Variants in ZDHHC17 observed in about 807,000 individuals in gnomAD.
The protein encoded by ZDHHC17 is zDHHC palmitoyltransferase 17.
ZDHHC17 carries 40 observed loss-of-function variants against 90.3 expected under a neutral mutation model. That is an observed-to-expected ratio of 0.44 (90% CI 0.34 to 0.58). The LOEUF (loss-of-function observed/expected upper bound fraction) is 0.58, where lower values mean the gene tolerates loss of function less well. Ranked by LOEUF, ZDHHC17 falls within the 20% of genes least tolerant of loss-of-function variation. The probability of loss-of-function intolerance (pLI) is 0.01; values close to 1 mark genes in which losing one functional copy is unlikely to be tolerated. For missense variants in ZDHHC17, 614 were observed against 780.8 expected (o/e 0.79, Z 2.55); for synonymous variants, 235 against 252.4 (o/e 0.93, Z 0.65).
intron 10 of ZDHHC17, among the ~76,000 whole-genome samples, chr12:76,839,601 A>G (rs184524114): frequency 3.7e-4 from 56 of 152,346 alleles, no homozygotes; most frequent in Middle Eastern, 6.8e-3. Flanking sequence ...CAACTAGATT[A>G]AAGAATTAAA....
In ZDHHC17 at chr12:76,827,033, A is replaced by G. The variant is rs755057508; in HGVS notation, c.1023A>G (p.Thr341=). ...TAATGTATGGTGGTGTTTGGGCTACAGTACAGTTTCTTTCAAAGTAAGTGT... is the reference window on the plus strand; with the variant it reads ...TAATGTATGGTGGTGTTTGGGCTACGGTACAGTTTCTTTCAAAGTAAGTGT... ...KGLMYGGVWA[T]VQFLSKSFFD... is the part of the protein sequence containing the mutation. Residue 341 remains threonine (T), a synonymous_variant, in exon 9 of 17, where the codon ACA becomes ACG. Coordinates refer to ENST00000426126, the MANE Select transcript of ZDHHC17 (RefSeq NM_015336.4). 46 of 1,560,044 alleles carry G rather than the reference A, an allele frequency of 2.9e-5. No individual in the cohort carries two copies. The highest frequency in any genetic ancestry group is 6.5e-5 in the Admixed American group (3 of 46,300).
chr12:76,835,326 C>T (rs1489018045), intron 10 of ZDHHC17, among the ~76,000 whole-genome samples: 3 of 152,160 alleles, frequency 2.0e-5, no homozygotes, highest in East Asian at 1.9e-4. Flanking sequence ...GCTGGGATTA[C>T]AGGCATGAGC....
At chr12:76,795,829 C>G (rs1356224401) in intron 1 of ZDHHC17, among the ~76,000 whole-genome samples, 2 of 152,122 alleles carry the variant, frequency 1.3e-5, no homozygotes, top group Non-Finnish European at 2.9e-5. Flanking sequence ...CTTAAAAAAT[C>G]ATTTAGTGAA....
chr12:76,815,740 G>C lies in ZDHHC17; in HGVS notation c.609-117G>C. The C allele has an allele frequency of 5.5e-6, 6 of 1,084,606 alleles. No individual in the cohort carries two copies. In the South Asian group the frequency reaches 1.3e-4, roughly 24 times the overall value. The allele number at this position is 1,084,606 out of a possible 1,614,324, so 67.2% of individuals were successfully genotyped here. A position where few individuals can be genotyped will look rare whatever the true frequency, so the allele number is the denominator to read the frequency against. ...GATTTTAAAGTTGTTGAGTAGGTTAGAAGTGTTCCAAAATGGAATGCTACT... is the reference window on the plus strand; with the variant it reads ...GATTTTAAAGTTGTTGAGTAGGTTACAAGTGTTCCAAAATGGAATGCTACT... On this transcript the variant is annotated intron_variant, in intron 6 of 16. Transcript: ENST00000426126.
intron 10 of ZDHHC17, among the ~76,000 whole-genome samples, chr12:76,834,148 A>C (rs1231289915): frequency 2.6e-5 from 4 of 152,176 alleles, no homozygotes; most frequent in Non-Finnish European, 5.9e-5. Context: ...AGCAGTGGTT[A>C]TCTCTAGGAA....
At chr12:76,786,126 T>C (rs943095762) in intron 1 of ZDHHC17, among the ~76,000 whole-genome samples, 7 of 151,620 alleles carry the variant, frequency 4.6e-5, no homozygotes, top group African/African-American at 1.7e-4. Context: ...TTCTTTCTTT[T>C]TTTTTTTTTA....
chr12:76,841,901 G>A (rs1430799136), intron 10 of ZDHHC17, 81 bp from the exon 11 acceptor site: 13 of 1,135,042 alleles, frequency 1.1e-5, no homozygotes, highest in South Asian at 3.7e-5. Flanking sequence ...TAGGTGTTTT[G>A]TAAAATTTTA....
chr12:76,803,369 C>A (rs935948123), intron 2 of ZDHHC17, among the ~76,000 whole-genome samples: 8 of 152,186 alleles, frequency 5.3e-5, no homozygotes, highest in Non-Finnish European at 1.2e-4. Flanking sequence ...CATCCCAGAG[C>A]AATCCCCTCG....
In ZDHHC17 at chr12:76,809,793, G is replaced by A; in HGVS notation, c.479G>A (p.Cys160Tyr). ...PSLIDGEGCS[C>Y]IHLAAQFGHT... ...TTAATTGATGGAGAAGGATGTAGCT[G>A]TATTCATCTGGCTGCTCAGTTCGGA... Residue 160 changes from cysteine (C) to tyrosine (Y), a missense_variant, in exon 5 of 17, where the codon TGT (cysteine) becomes TAT (tyrosine). Cys to Tyr is a radical substitution (Grantham distance 194). Around this residue, in one of 5 missense-constraint regions of ZDHHC17, gnomAD observed 358 missense variants for 380.4 expected, o/e 0.94. Transcript: ENST00000426126. The A allele has an allele frequency of 1.9e-6, 3 of 1,609,306 alleles. 1 individual carries two copies. In the South Asian group the frequency reaches 3.3e-5, roughly 18 times the overall value.
chr12:76,764,556 G>C (rs1952408020), intron 1 of ZDHHC17: 5 of 580,900 alleles, frequency 8.6e-6, no homozygotes, highest in Admixed American at 3.0e-5. Flanking sequence ...CCCTGGCTGT[G>C]CCTGGAGGAC....
At chr12:76,766,881 A>C (rs1487618680) in intron 1 of ZDHHC17, among the ~76,000 whole-genome samples, 4 of 152,016 alleles carry the variant, frequency 2.6e-5, no homozygotes, top group African/African-American at 9.7e-5. Flanking sequence ...TTAGCTGAGC[A>C]TGGTGGTACA....
chr12:76,795,382 AC>A (rs1471761916), intron 1 of ZDHHC17, among the ~76,000 whole-genome samples: 3 of 152,216 alleles, frequency 2.0e-5, no homozygotes, highest in Non-Finnish European at 2.9e-5. Flanking sequence ...GTCCAAGTGT[AC>A]ATTGTAGAGA....
At chr12:76,849,118 T>TAAAAAAAAA (rs1035048447) in intron 15 of ZDHHC17, among the ~76,000 whole-genome samples, 3 of 48,474 alleles carry the variant, frequency 6.2e-5, no homozygotes, top group African/African-American at 2.3e-4. Flanking sequence ...ACCCTATCTC[T>TAAAAAAAAA]AAAAAAAAAA....
At chr12:76,792,479 G>A (rs950599779) in intron 1 of ZDHHC17, among the ~76,000 whole-genome samples, 1 of 152,118 alleles carries the variant, frequency 6.6e-6, no homozygotes, top group African/African-American at 2.4e-5. Flanking sequence ...TATACCTGCT[G>A]TATAAGATTG....
intron 10 of ZDHHC17, among the ~76,000 whole-genome samples, chr12:76,831,149 A>G (rs1227995605): frequency 6.6e-6 from 1 of 152,166 alleles, no homozygotes; most frequent in Non-Finnish European, 1.5e-5. Flanking sequence ...TGTAAAGGGG[A>G]GATAATAGTA....
intron 12 of ZDHHC17, among the ~76,000 whole-genome samples, chr12:76,843,547 AT>A (rs1382810864): frequency 2.0e-5 from 3 of 152,092 alleles, no homozygotes; most frequent in African/African-American, 7.2e-5. Context: ...AATTACTAGT[AT>A]TTATTAATAG....
chr12:76,802,742 T>A (rs904229766), intron 2 of ZDHHC17, among the ~76,000 whole-genome samples: 2 of 152,256 alleles, frequency 1.3e-5, no homozygotes, highest in African/African-American at 4.8e-5. Flanking sequence ...ATCCATATAA[T>A]GACTTCAGTT....
rs1953589359 is a variant in ZDHHC17, at chr12:76,853,596, G to A, written c.*2611G>A. ...TTGCTACTTACCGTGTTATTCTGTGGAAAGAAAAACCTGTAAAGTGTTTAA... is the reference window on the plus strand; with the variant it reads ...TTGCTACTTACCGTGTTATTCTGTGAAAAGAAAAACCTGTAAAGTGTTTAA... On this transcript the variant is annotated 3_prime_UTR_variant, in exon 17 of 17. Transcript: ENST00000426126. 6.6e-6 allele frequency: 1 copy of A among 152,162 alleles called. No individual in the cohort carries two copies. The highest frequency in any genetic ancestry group is 1.5e-5 in the Non-Finnish European group (1 of 67,902). The allele number at this position is 152,162 out of a possible 1,614,324, so 9.4% of individuals were successfully genotyped here. A position where few individuals can be genotyped will look rare whatever the true frequency, so the allele number is the denominator to read the frequency against.
intron 9 of ZDHHC17, 30 bp from the exon 10 acceptor site, chr12:76,828,360 C>T (rs1592491421): frequency 6.6e-7 from 1 of 1,507,860 alleles, no homozygotes; most frequent in Non-Finnish European, 9.1e-7. Flanking sequence ...AAATATAGAG[C>T]TCATATTTTA....
Sources: allele counts gnomAD v4.1 joint callset (sites outside exome capture counted in the v4.1 genomes callset), GRCh38; gene constraint gnomAD v4.1.1; regional missense constraint gnomAD v4.1.1; transcripts MANE v1.5; gene names NCBI Gene and HGNC (gene_info 2026-07-23, HGNC 2026-07-21).